The following DNAJC10 variants were observed in gnomAD, a reference collection of about 807,000 sequenced individuals.
DNAJC10 encodes the protein endoplasmic reticulum disulfide reductase DNAJC10.
Under a neutral mutation model 115.0 loss-of-function variants are expected in DNAJC10, and 101 were observed. The observed-to-expected ratio is 0.88, with a 90% CI of 0.75 to 1.04. The LOEUF (loss-of-function observed/expected upper bound fraction) is 1.04. DNAJC10 is among the 50% of genes least tolerant of loss of function. The pLI, the probability that DNAJC10 is intolerant of heterozygous loss-of-function variation, is 0.00. For synonymous variants in DNAJC10, 307 were observed against 301.5 expected (o/e 1.02, Z -0.19); for missense variants, 981 against 928.8 (o/e 1.06, Z -0.73).
Position 182,739,497 on chromosome 2 carries a change from A to T in DNAJC10, c.988-802A>T, listed in dbSNP as rs755771124. The stretch of plus-strand genomic sequence containing the variant: ...ATTAAACTCTGTTTTGTCAACTTTC[A>T]TATACATTTTCTTGATGTAACCATT... On this transcript the variant is annotated intron_variant, in intron 11 of 23. Transcript: ENST00000264065. The T allele has an allele frequency of 1.6e-5, 19 of 1,175,434 alleles. No individual in the cohort carries two copies. The South Asian group carries it at 3.3e-4, about 20-fold the overall frequency. 72.8% of individuals were successfully genotyped at this position (1,175,434 alleles called of 1,614,324 possible).
intron 8 of DNAJC10, 64 bp downstream of exon 8, chr2:182,730,005 A>G: frequency 9.3e-7 from 1 of 1,074,912 alleles, no homozygotes; most frequent in Non-Finnish European, 1.4e-6. Context: ...TTTGTTTTTA[A>G]TGGCAATATT....
chr2:182,777,219 G>T lies in DNAJC10; in HGVS notation c.*87G>T. The T allele has an allele frequency of 2.5e-6, 2 of 790,318 alleles. No homozygotes were observed. The highest frequency in any genetic ancestry group is 3.8e-6 in the Non-Finnish European group (2 of 532,972). The allele number at this position is 790,318 out of a possible 1,614,324, so 49.0% of individuals were successfully genotyped here. A position where few individuals can be genotyped will look rare whatever the true frequency, so the allele number is the denominator to read the frequency against. On this transcript the variant is annotated 3_prime_UTR_variant, in exon 24 of 24. Coordinates refer to ENST00000264065, the MANE Select transcript of DNAJC10 (RefSeq NM_018981.4). ...TATTTAGAATGTTACATTTATGATG[G>T]GAATGAATGAACATTATCTTAGACT...
In DNAJC10 at chr2:182,788,061, G is replaced by C. The variant is rs1399876814; in HGVS notation, c.*10929G>C. ...AAATACTTGAAGAGCCACTATTTAA[G>C]ATAAATGAGAGTCCTTTCCAATTTG... On this transcript the variant is annotated 3_prime_UTR_variant, in exon 24 of 24. Coordinates refer to ENST00000264065, the MANE Select transcript of DNAJC10 (RefSeq NM_018981.4). 1.3e-5 allele frequency: 2 copies of C among 152,208 alleles called. No homozygotes were observed. The highest frequency in any genetic ancestry group is 4.8e-5 in the African/African-American group (2 of 41,430). 9.4% of individuals were successfully genotyped at this position (152,208 alleles called of 1,614,324 possible).
chr2:182,770,316 A>G (rs1423413869), intron 22 of DNAJC10, among the ~76,000 whole-genome samples: 1 of 152,122 alleles, frequency 6.6e-6, no homozygotes, highest in African/African-American at 2.4e-5. Flanking sequence ...TTGGTTCCAT[A>G]TGAAATTTAA....
At chr2:182,732,455 C>G in intron 9 of DNAJC10, 44 bp from the exon 10 acceptor site, 1 of 1,597,358 alleles carries the variant, frequency 6.3e-7, no homozygotes, top group Non-Finnish European at 8.6e-7. Flanking sequence ...TTTCATCAGG[C>G]TTAATAAAGG....
intron 18 of DNAJC10, among the ~76,000 whole-genome samples, chr2:182,757,425 G>A (rs1262003778): frequency 6.6e-6 from 1 of 152,134 alleles, no homozygotes; most frequent in Non-Finnish European, 1.5e-5. Context: ...TTGAATTTTA[G>A]AAGTATATAG....
At chr2:182,742,849 TTTC>T (rs1693770784) in intron 13 of DNAJC10, among the ~76,000 whole-genome samples, 1 of 151,988 alleles carries the variant, frequency 6.6e-6, no homozygotes, top group African/African-American at 2.4e-5. Context: ...TTTGTTTTTT[TTTC>T]TTTTTTTTTA....
Position 182,720,087 on chromosome 2 carries a change from G to C in DNAJC10, c.285G>C (p.Lys95Asn), listed in dbSNP as rs1002315771. ...EVLKDEDLRK[K>N]YDKYGEKGLE... ...TCAAAGATGAAGATCTACGGAAAAA[G>C]TATGACAAATATGGAGAAAAGGGAC... Residue 95 changes from lysine to asparagine, a missense_variant, in exon 4 of 24, where the codon AAG (lysine) becomes AAC (asparagine). Transcript: ENST00000264065. 1.2e-6 allele frequency: 2 copies of C among 1,610,302 alleles called. No homozygotes were observed. Among genetic ancestry groups the C allele is most frequent in the Admixed American group, 3.3e-5 (2 of 59,844 alleles).
chr2:182,762,879 T>TTTTC, intron 22 of DNAJC10, 78 bp downstream of exon 22: 1 of 1,448,086 alleles, frequency 6.9e-7, no homozygotes, highest in Non-Finnish European at 9.3e-7. Context: ...GTAATGTTTT[T>TTTTC]TTTCTGTTTT....
At chr2:182,736,212 C>T (rs1404778552) in intron 10 of DNAJC10, 37 bp from the exon 11 acceptor site, 1 of 1,529,224 alleles carries the variant, frequency 6.5e-7, no homozygotes, top group African/African-American at 1.4e-5. Context: ...TTTTGCCTCC[C>T]ATTTACAACA....
intron 5 of DNAJC10, among the ~76,000 whole-genome samples, chr2:182,724,518 A>G (rs905433061): frequency 4.6e-5 from 7 of 152,202 alleles, no homozygotes; most frequent in African/African-American, 1.7e-4. Flanking sequence ...TAAAACATGC[A>G]TGGTATTCTA....
At chr2:182,727,196 C>G (rs1338310312) in intron 5 of DNAJC10, among the ~76,000 whole-genome samples, 1 of 151,980 alleles carries the variant, frequency 6.6e-6, no homozygotes, top group Non-Finnish European at 1.5e-5. Flanking sequence ...GGAAACAAAC[C>G]CACAATATCT....
At chr2:182,731,555 T>A (rs1255639600) in intron 9 of DNAJC10, among the ~76,000 whole-genome samples, 2 of 152,166 alleles carry the variant, frequency 1.3e-5, no homozygotes, top group Admixed American at 6.5e-5. Context: ...TCTAGGAACC[T>A]TTCCTTGAAT....
intron 5 of DNAJC10, among the ~76,000 whole-genome samples, chr2:182,724,527 T>C (rs1693232043): frequency 6.6e-6 from 1 of 152,216 alleles, no homozygotes; most frequent in African/African-American, 2.4e-5. Flanking sequence ...CATGGTATTC[T>C]AAATACGTGC....
At chr2:182,749,583 A>C (rs1038278081) in intron 14 of DNAJC10, among the ~76,000 whole-genome samples, 7 of 151,802 alleles carry the variant, frequency 4.6e-5, no homozygotes, top group South Asian at 2.1e-4. Flanking sequence ...TGAATACAGC[A>C]GACTGATGGG....
At chr2:182,748,877 A>G (rs1693942921) in intron 14 of DNAJC10, among the ~76,000 whole-genome samples, 2 of 152,114 alleles carry the variant, frequency 1.3e-5, no homozygotes, top group East Asian at 1.9e-4. Flanking sequence ...GTTGGTTTCA[A>G]AGAACATCTT....
chr2:182,764,758 C>G (rs1231893958), intron 22 of DNAJC10, among the ~76,000 whole-genome samples: 1 of 152,112 alleles, frequency 6.6e-6, no homozygotes, highest in East Asian at 1.9e-4. Context: ...AATATACTCA[C>G]CATGGGAAAG....
chr2:182,722,750 G>T (rs1434309512), intron 5 of DNAJC10, among the ~76,000 whole-genome samples: 1 of 152,054 alleles, frequency 6.6e-6, no homozygotes, highest in Admixed American at 6.6e-5. Flanking sequence ...AAACCAGCCT[G>T]GCCAACATGG....
rs1039926542 is a variant in DNAJC10, at chr2:182,718,109, A to G, written c.23A>G (p.Asp8Gly). 14 of 1,605,872 alleles carry G rather than the reference A, an allele frequency of 8.7e-6. No homozygotes were observed. Among genetic ancestry groups the G allele is most frequent in the African/African-American group, 1.3e-5 (1 of 74,700 alleles). ...AGAATGGGAGTCTGGTTAAATAAAG[A>G]TGACTATATCAGAGACTTGAAAAGG... MGVWLNK[D>G]DYIRDLKRII... Residue 8 changes from aspartate to glycine, a missense_variant, in exon 3 of 24, where the codon GAT becomes GGT. Asp to Gly is a moderately conservative substitution (Grantham distance 94). Transcript: ENST00000264065.
Sources: gnomAD v4.1 joint callset for allele counts (sites outside exome capture counted in the v4.1 genomes callset) on GRCh38, gnomAD v4.1.1 for gene constraint, MANE v1.5 for transcripts, NCBI Gene and HGNC (gene_info 2026-07-23, HGNC 2026-07-21) for gene names.